The following SYNE1 variants were observed in gnomAD, a reference collection of about 807,000 sequenced individuals.
SYNE1 encodes nesprin-1.
Under a neutral mutation model 1,111.0 loss-of-function variants are expected in SYNE1, and 616 were observed. The observed-to-expected ratio is 0.55, with a 90% CI of 0.52 to 0.59. The LOEUF is 0.59. SYNE1 is among the 20% of genes least tolerant of loss of function. SYNE1 has a pLI of 0.00. For missense variants in SYNE1, 10,006 were observed against 10,417.0 expected (o/e 0.96, Z 1.72); for synonymous variants, 3,855 against 3,825.8 (o/e 1.01, Z -0.28).
intron 131 of SYNE1, among the ~76,000 whole-genome samples, chr6:152,161,566 T>C (rs1239665471): frequency 6.6e-6 from 1 of 152,120 alleles, no homozygotes; most frequent in African/African-American, 2.4e-5. Context: ...TTTTGTTTTG[T>C]TTACATTTTC....
At chr6:152,182,444 G>A (rs1331151516) in intron 128 of SYNE1, among the ~76,000 whole-genome samples, 3 of 151,978 alleles carry the variant, frequency 2.0e-5, no homozygotes, top group Admixed American at 6.6e-5. Flanking sequence ...AAACATTTCC[G>A]ACACAGAAAA....
chr6:152,545,044 C>A (rs1386737511), intron 3 of SYNE1, among the ~76,000 whole-genome samples: 1 of 152,062 alleles, frequency 6.6e-6, no homozygotes, highest in Non-Finnish European at 1.5e-5. Flanking sequence ...AAATACATGA[C>A]AATATCCACT....
chr6:152,267,788 G>A (rs1205867690), intron 100 of SYNE1, among the ~76,000 whole-genome samples: 1 of 152,100 alleles, frequency 6.6e-6, no homozygotes, highest in African/African-American at 2.4e-5. Flanking sequence ...TTTCTTATTC[G>A]ATTAAAAAGA....
Position 152,369,455 on chromosome 6 carries a change from G to T in SYNE1, c.9651+16C>A, listed in dbSNP as rs764918217. On this transcript the variant is annotated intron_variant, in intron 60 of 145. Transcript: ENST00000367255. The stretch of plus-strand genomic sequence containing the variant: ...AGACTAGGTCAGATGGGGCTACGGG[G>T]AGGCGGGCTCATCACCTGGAGCTTC... 1 of 1,614,108 alleles carries T rather than the reference G, an allele frequency of 6.2e-7. No homozygotes were observed. Among genetic ancestry groups the T allele is most frequent in the South Asian group, 1.1e-5 (1 of 91,090 alleles).
intron 107 of SYNE1, among the ~76,000 whole-genome samples, chr6:152,240,118 A>C (rs1303123816): frequency 1.3e-5 from 2 of 152,164 alleles, no homozygotes; most frequent in East Asian, 3.9e-4. Flanking sequence ...GTGCGCGAGG[A>C]GTCCTTGACC....
At chr6:152,345,943 A>T (rs1356821632) in intron 73 of SYNE1, among the ~76,000 whole-genome samples, 1 of 152,320 alleles carries the variant, frequency 6.6e-6, no homozygotes, top group South Asian at 2.1e-4. Context: ...TATGAATGCA[A>T]ACAAATATTG....
intron 130 of SYNE1, chr6:152,167,786 T>C: frequency 1.7e-6 from 1 of 571,866 alleles, no homozygotes; most frequent in South Asian, 1.4e-5. Flanking sequence ...AACTGAGTCT[T>C]TTTCTGGATC....
In SYNE1 at chr6:152,369,041, G is replaced by C. The variant is rs140123292; in HGVS notation, c.9738C>G (p.Ala3246=). The stretch of plus-strand genomic sequence containing the variant: ...ACACTCTGTGCCTAAAGCTCTTGCT[G>C]GCAGCTTGTCCTTCCCACAGCTGCT... The part of the protein sequence containing the change: ...KAQQLWEGQA[A]SKSFRHRVSQ... Residue 3246 remains alanine, a synonymous_variant, in exon 61 of 146, where the codon GCC becomes GCG. Coordinates refer to ENST00000367255, the MANE Select transcript of SYNE1 (RefSeq NM_182961.4). 2.5e-6 allele frequency: 4 copies of C among 1,614,072 alleles called. No homozygotes were observed. In the African/African-American group the frequency reaches 4.0e-5, roughly 16 times the overall value.
At chr6:152,286,216 T>C (rs962819200) in intron 95 of SYNE1, among the ~76,000 whole-genome samples, 1 of 152,188 alleles carries the variant, frequency 6.6e-6, no homozygotes, top group African/African-American at 2.4e-5. Flanking sequence ...ACTATATATA[T>C]CCATGCTGCT....
intron 14 of SYNE1, among the ~76,000 whole-genome samples, chr6:152,477,588 G>A (rs558761002): frequency 1.0e-3 from 157 of 152,220 alleles, no homozygotes; most frequent in Non-Finnish European, 2.0e-3. Flanking sequence ...AATATCCCAT[G>A]TCCTTTTACT....
At chr6:152,508,494 A>T (rs1199304412) in intron 8 of SYNE1, among the ~76,000 whole-genome samples, 1 of 152,240 alleles carries the variant, frequency 6.6e-6, no homozygotes, top group African/African-American at 2.4e-5. Context: ...CTCCAACAGC[A>T]TTAAATTTGA....
At chr6:152,329,008 AG>A (rs941317941) in intron 78 of SYNE1, among the ~76,000 whole-genome samples, 2 of 152,314 alleles carry the variant, frequency 1.3e-5, no homozygotes, top group Admixed American at 6.5e-5. Flanking sequence ...TTCATCTAGC[AG>A]GTGATTTTAG....
Position 152,236,968 on chromosome 6 carries a change from CTG to C in SYNE1, c.20068-22_20068-21del. ...CCACGTCTAGAAACACAACATGAGT[CTG>C]TGAGCTAAAAAAACCCTCATTAGCG... On this transcript the variant is annotated intron_variant, in intron 108 of 145. Coordinates refer to ENST00000367255, the MANE Select transcript of SYNE1 (RefSeq NM_182961.4). 2 of 1,607,534 alleles carry C rather than the reference CTG, an allele frequency of 1.2e-6. No homozygotes were observed. The highest frequency in any genetic ancestry group is 1.7e-5 in the Admixed American group (1 of 58,120).
chr6:152,514,194 C>T (rs1364863700), intron 6 of SYNE1, among the ~76,000 whole-genome samples: 1 of 152,162 alleles, frequency 6.6e-6, no homozygotes, highest in African/African-American at 2.4e-5. Flanking sequence ...TTTACTGCAG[C>T]ACTATTCACA....
chr6:152,206,210 C>T lies in SYNE1; in HGVS notation c.22977G>A (p.Met7659Ile). The change falls in exon 126 of 146, where the codon ATG (methionine) becomes ATA (isoleucine). Residue 7659 changes from methionine (M) to isoleucine (I), a missense_variant. Transcript: ENST00000367255. ...GTTTTTTCTTCTGTTCTTCCAGCCG[C>T]ATGCTGGCTGATTTCCATTTCTCTT... ...EIQEKWKSAS[M>I]RLEEQKKKLA... is the part of the protein sequence containing the mutation. 1 of 1,613,804 alleles carries T rather than the reference C, an allele frequency of 6.2e-7. No individual in the cohort carries two copies. The highest frequency in any genetic ancestry group is 1.1e-5 in the South Asian group (1 of 91,052).
In SYNE1 at chr6:152,140,088, C is replaced by T; in HGVS notation, c.25320G>A (p.Gln8440=). 6.2e-7 allele frequency: 1 copy of T among 1,614,214 alleles called. No individual in the cohort carries two copies. Among genetic ancestry groups the T allele is most frequent in the Non-Finnish European group, 8.5e-7 (1 of 1,180,046 alleles). The change falls in exon 140 of 146, where the codon CAG becomes CAA. Residue 8440 remains glutamine, a synonymous_variant. Transcript: ENST00000367255. ...AGTCTGAGTTAAACTGCTGCCACTT[C>T]TGGAGGTTCTGCTTCATCCTCAACT... is the stretch of plus-strand genomic sequence containing the variant. The part of the protein sequence containing the change: ...SKELRMKQNL[Q]KWQQFNSDLN...
intron 129 of SYNE1, among the ~76,000 whole-genome samples, chr6:152,176,986 T>C (rs1193666679): frequency 3.9e-5 from 6 of 152,150 alleles, no homozygotes; most frequent in Non-Finnish European, 5.9e-5. Flanking sequence ...CACATATATA[T>C]ATGCAATTGA....
At chr6:152,270,526 T>C (rs2093115157) in intron 98 of SYNE1, among the ~76,000 whole-genome samples, 1 of 152,220 alleles carries the variant, frequency 6.6e-6, no homozygotes, top group African/African-American at 2.4e-5. Flanking sequence ...ATTATTCTAA[T>C]GGAATTTGAA....
chr6:152,387,162 C>G lies in SYNE1; in HGVS notation c.8397G>C (p.Glu2799Asp), dbSNP rs1459709800. The change falls in exon 54 of 146, where the codon GAG becomes GAC. Residue 2799 changes from glutamate to aspartate, a missense_variant. By Grantham distance (45) the Glu-to-Asp change is conservative. Coordinates refer to ENST00000367255, the MANE Select transcript of SYNE1 (RefSeq NM_182961.4). The stretch of plus-strand genomic sequence containing the variant: ...ACTCATCCTCTGTCTTTTCGTAGAG[C>G]TCCCTGGACTTCGCAATTAGACGGT... The part of the protein sequence containing the change: ...ALHRLIAKSR[E>D]LYEKTEDESF... 2 of 1,614,174 alleles carry G rather than the reference C, an allele frequency of 1.2e-6. No individual in the cohort carries two copies. Among genetic ancestry groups the G allele is most frequent in the Non-Finnish European group, 1.7e-6 (2 of 1,180,022 alleles).
Sources: gnomAD v4.1 joint callset for allele counts (sites outside exome capture counted in the v4.1 genomes callset) on GRCh38, gnomAD v4.1.1 for gene constraint, MANE v1.5 for transcripts, NCBI Gene and HGNC (gene_info 2026-07-23, HGNC 2026-07-21) for gene names.